PKLR: variants seen among roughly 807,000 people sequenced by gnomAD.
PKLR encodes pyruvate kinase PKLR.
In PKLR, 38 loss-of-function variants were observed where a neutral mutation model predicts 53.6. The observed-to-expected ratio is 0.71, with a 90% CI of 0.55 to 0.93. PKLR has a LOEUF of 0.93. PKLR is among the 40% of genes least tolerant of loss of function. The probability of loss-of-function intolerance (pLI) is 0.00; values close to 1 mark genes in which losing one functional copy is unlikely to be tolerated. For missense variants in PKLR, 702 were observed against 787.3 expected, an observed-to-expected ratio of 0.89 and a Z score of 1.30; for synonymous variants, 328 against 316.2, an observed-to-expected ratio of 1.04 and a Z score of -0.39.
In PKLR at chr1:155,299,031, TTTC is replaced by T. The variant is rs1557963436; in HGVS notation, c.283+1064_283+1066del. 7.0e-4 allele frequency among the ~76,000 whole-genome samples: 44 copies of T among 62,820 alleles called. 1 individual carries two copies. Among genetic ancestry groups the T allele is most frequent in the East Asian group, 6.0e-3 (4 of 670 alleles). The allele number at this position is 62,820 out of a possible 152,430, so 41.2% of individuals were successfully genotyped here. ...CTTTCTTTCTTTCTTTCTTTCTTTCTTTCTCTTTCTTTCTTTCTTTCCTTCCTT... is the reference window on the plus strand; with the variant it reads ...CTTTCTTTCTTTCTTTCTTTCTTTCTTCTTTCTTTCTTTCTTTCCTTCCTT... On this transcript the variant is annotated intron_variant, in intron 2 of 10. Coordinates refer to ENST00000342741, the MANE Select transcript of PKLR (RefSeq NM_000298.6).
chr1:155,293,076 ACT>A lies in PKLR; in HGVS notation c.1436+99_1436+100del. On this transcript the variant is annotated intron_variant, in intron 9 of 10. Transcript: ENST00000342741. The surrounding 1 kb of genome is among the most constrained non-coding windows in gnomAD (Gnocchi z 4.2). ...GCCTCTCCTCTTGTCTCAGGTGGAC[ACT>A]CTTCACCCCTGGTGACCAGACTAAA... is the stretch of plus-strand genomic sequence containing the variant. 8.2e-7 allele frequency: 1 copy of A among 1,216,614 alleles called. No homozygotes were observed. The highest frequency in any genetic ancestry group is 1.2e-6 in the Non-Finnish European group (1 of 819,460). 75.4% of individuals were successfully genotyped at this position (1,216,614 alleles called of 1,614,324 possible).
chr1:155,293,962 G>A lies in PKLR; in HGVS notation c.1116+273C>T, dbSNP rs757590982. On this transcript the variant is annotated intron_variant, in intron 7 of 10. Transcript: ENST00000342741. This position sits in a 1 kb window ranked among gnomAD's most constrained non-coding sequence, Gnocchi z 4.2. ...AGTCTGGCCAACATGGTGAAACCCC[G>A]TCTCTACTGAAAATACAAAAAGTAG... 2.6e-5 allele frequency among the ~76,000 whole-genome samples: 4 copies of A among 152,042 alleles called. No individual in the cohort carries two copies. Among genetic ancestry groups the A allele is most frequent in the Admixed American group, 6.6e-5 (1 of 15,262 alleles).
chr1:155,298,745 G>C (rs958534553), intron 2 of PKLR, among the ~76,000 whole-genome samples: 8 of 151,298 alleles, frequency 5.3e-5, no homozygotes, highest in Non-Finnish European at 1.0e-4. Flanking sequence ...GGGTTCAAGC[G>C]ATTCCCCTGC....
chr1:155,291,811 T>C lies in PKLR; in HGVS notation c.1563A>G (p.Pro521=). 6.2e-7 allele frequency: 1 copy of C among 1,614,120 alleles called. No homozygotes were observed. The highest frequency in any genetic ancestry group is 1.1e-5 in the South Asian group (1 of 91,072). Residue 521 remains proline, a synonymous_variant, in exon 10 of 11, where the codon CCA becomes CCG. Coordinates refer to ENST00000342741, the MANE Select transcript of PKLR (RefSeq NM_000298.6). ...CTACATCATCTGCCCAGATGGCTTC[T>C]GGAGGTTCACGGTAAAGCAAGGGGA... ...GVFPLLYREP[P]EAIWADDVDR... is the part of the protein sequence containing the mutation.
rs747097960 is a variant in PKLR, at chr1:155,294,336, C to T, written c.1015G>A (p.Asp339Asn). The T allele has an allele frequency of 3.1e-6, 5 of 1,614,002 alleles. No individual in the cohort carries two copies. In the South Asian group the frequency reaches 5.5e-5, roughly 18 times the overall value. ...VSDGIMVARG[D>N]LGIEIPAEKV... ...TCTGCTGGGATCTCGATGCCTAGGT[C>T]CCCCCGTGCCACCATGATGCCGTCG... The change falls in exon 7 of 11, where the codon GAC becomes AAC. Residue 339 changes from aspartate (D) to asparagine (N), a missense_variant. Asp to Asn is a conservative substitution (Grantham distance 23). Coordinates refer to ENST00000342741, the MANE Select transcript of PKLR (RefSeq NM_000298.6).
chr1:155,299,006 CTT>C (rs1369341989), intron 2 of PKLR, among the ~76,000 whole-genome samples: 51 of 100,072 alleles, frequency 5.1e-4, no homozygotes, highest in South Asian at 1.6e-3. Flanking sequence ...TTCTTTCTTT[CTT>C]TCTTTCTTTC....
chr1:155,301,949 G>A (rs1648022714), upstream of PKLR, among the ~76,000 whole-genome samples: 1 of 152,110 alleles, frequency 6.6e-6, no homozygotes, highest in Non-Finnish European at 1.5e-5. Context: ...TGATTAGGTT[G>A]TTGCTGGAAA....
At position 155,293,701 on chromosome 1, in the gene PKLR, C is replaced by T. The variant is rs1647366039; in HGVS notation, c.1117-111G>A. The T allele has an allele frequency of 4.5e-6, 5 of 1,102,008 alleles. 1 individual carries two copies. The South Asian group carries it at 6.4e-5, about 14-fold the overall frequency. The allele number at this position is 1,102,008 out of a possible 1,614,324, so 68.3% of individuals were successfully genotyped here. ...CTCAGAGTGTCCCAAAATCCAGGGT[C>T]ACAGTCACAACCCCTGAAAATAGGA... is the stretch of plus-strand genomic sequence containing the variant. On this transcript the variant is annotated intron_variant, in intron 7 of 10. Transcript: ENST00000342741. This position sits in a 1 kb window ranked among gnomAD's most constrained non-coding sequence, Gnocchi z 4.2.
chr1:155,295,553 T>C lies in PKLR; in HGVS notation c.391A>G (p.Ile131Val). The change falls in exon 4 of 11, where the codon ATC becomes GTC. Residue 131 changes from isoleucine (I) to valine (V), a missense_variant. This residue lies in a region of PKLR where 519 missense variants were observed against 537.1 expected (regional missense o/e 0.97). Coordinates refer to ENST00000342741, the MANE Select transcript of PKLR (RefSeq NM_000298.6). This position sits in a 1 kb window ranked among gnomAD's most constrained non-coding sequence, Gnocchi z 4.3. ...HGSHEYHAES[I>V]ANVREAVESF... The stretch of plus-strand genomic sequence containing the variant: ...TCCACCGCCTCCCGGACGTTGGCGA[T>C]GGACTCAGCATGGTACTGGGGGAGG... 1 of 1,613,858 alleles carries C rather than the reference T, an allele frequency of 6.2e-7. No individual in the cohort carries two copies. The highest frequency in any genetic ancestry group is 1.1e-5 in the South Asian group (1 of 91,056).
At chr1:155,292,241 GA>G (rs57484820) in intron 9 of PKLR, among the ~76,000 whole-genome samples, 8 of 138,090 alleles carry the variant, frequency 5.8e-5, no homozygotes, top group Non-Finnish European at 1.1e-4. Flanking sequence ...TCTGCATTAA[GA>G]AAAAAAAAAG....
In PKLR at chr1:155,293,890, T is replaced by C. The variant is rs1572054480; in HGVS notation, c.1117-300A>G. ...GCTCACACCTGTAATCCCAGCACTTTGGGAGGCCGAGGCGAGTAGATCACC... is the reference window on the plus strand; with the variant it reads ...GCTCACACCTGTAATCCCAGCACTTCGGGAGGCCGAGGCGAGTAGATCACC... On this transcript the variant is annotated intron_variant, in intron 7 of 10. Coordinates refer to ENST00000342741, the MANE Select transcript of PKLR (RefSeq NM_000298.6). The surrounding 1 kb of genome is among the most constrained non-coding windows in gnomAD (Gnocchi z 4.2). 6.6e-6 allele frequency among the ~76,000 whole-genome samples: 1 copy of C among 152,180 alleles called. No homozygotes were observed. The highest frequency in any genetic ancestry group is 1.9e-4 in the East Asian group (1 of 5,198).
rs192697407 is a variant in PKLR, at chr1:155,291,775, C to A, written c.1599G>T (p.Val533=). 13 of 1,613,886 alleles carry A rather than the reference C, an allele frequency of 8.1e-6. No individual in the cohort carries two copies. In the Admixed American group the frequency reaches 2.2e-4, roughly 27 times the overall value. Residue 533 remains valine, a synonymous_variant, in exon 10 of 11, where the codon GTG becomes GTT. Coordinates refer to ENST00000342741, the MANE Select transcript of PKLR (RefSeq NM_000298.6). The part of the protein sequence containing the change: ...AIWADDVDRR[V]QFGIESGKLR... ...GCTCACCACTTTCAATGCCAAATTG[C>A]ACCCGGCGATCTACATCATCTGCCC...
Position 155,295,175 on chromosome 1 carries a change from G to C in PKLR, c.635C>G (p.Pro212Arg). The C allele has an allele frequency of 6.2e-7, 1 of 1,614,112 alleles. No homozygotes were observed. Among genetic ancestry groups the C allele is most frequent in the Non-Finnish European group, 8.5e-7 (1 of 1,179,990 alleles). Residue 212 changes from proline to arginine, a missense_variant, in exon 5 of 11, where the codon CCG becomes CGG. Around this residue, in one of 2 missense-constraint regions of PKLR, gnomAD observed 519 missense variants for 537.1 expected, o/e 0.97. Coordinates refer to ENST00000342741, the MANE Select transcript of PKLR (RefSeq NM_000298.6). This position sits in a 1 kb window ranked among gnomAD's most constrained non-coding sequence, Gnocchi z 4.3. The stretch of plus-strand genomic sequence containing the variant: ...GTCAATGTAGATGCGGCCCCCCACC[G>C]GCACGACCCGGACAATATTGGGGTA... ...VDYPNIVRVV[P>R]VGGRIYIDDG... is the part of the protein sequence containing the mutation.
In PKLR at chr1:155,300,149, T is replaced by C; in HGVS notation, c.232A>G (p.Ile78Val). The change falls in exon 2 of 11, where the codon ATT (isoleucine) becomes GTT (valine). Residue 78 changes from isoleucine (I) to valine (V), a missense_variant. Transcript: ENST00000342741. Reference protein sequence around the residue: ...TFLEHLCLLDIDSEPVAARST... With the variant: ...TFLEHLCLLDVDSEPVAARST... ...CGAGCAGCCACGGGCTCGGAGTCAA[T>C]GTCCAGTAGGCAGAGGTGTTCCAGG... 2 of 1,613,976 alleles carry C rather than the reference T, an allele frequency of 1.2e-6. No homozygotes were observed. Among genetic ancestry groups the C allele is most frequent in the Non-Finnish European group, 1.7e-6 (2 of 1,180,012 alleles).
In PKLR at chr1:155,294,600, CG is replaced by C. The variant is rs751449001; in HGVS notation, c.846del (p.Ile282MetfsTer39). ...GCTTTCCGCACAAAGGAGGCAAAGA[CG>C]ATGTCCACCCCATGCTCCACCCCGA... The part of the protein sequence containing the change: ...LRFGVEHGVD[I>X]VFASFVRKAS... On this transcript the variant is annotated frameshift_variant, in exon 6 of 11. Transcript: ENST00000342741. LOFTEE classifies it high-confidence loss of function. 2 of 1,614,238 alleles carry C rather than the reference CG, an allele frequency of 1.2e-6. No homozygotes were observed. The highest frequency in any genetic ancestry group is 1.7e-6 in the Non-Finnish European group (2 of 1,180,044).
In PKLR at chr1:155,295,668, G is replaced by A; in HGVS notation, c.372C>T (p.His124=). ...TGCCCGGCGGCCCGTCCCGCACCTC[G>A]TGGGAGCCGTGGGAGAAGTTGAGTC... The part of the protein sequence containing the change: ...IARLNFSHGS[H]EYHAESIANV... Residue 124 remains histidine, a synonymous_variant, in exon 3 of 11, where the codon CAC becomes CAT. Transcript: ENST00000342741. This position sits in a 1 kb window ranked among gnomAD's most constrained non-coding sequence, Gnocchi z 4.3. 1 of 1,614,058 alleles carries A rather than the reference G, an allele frequency of 6.2e-7. No individual in the cohort carries two copies. The highest frequency in any genetic ancestry group is 8.5e-7 in the Non-Finnish European group (1 of 1,179,960).
rs2148207508 is a variant in PKLR at position 155,295,362 on chromosome 1, G to A, written c.508-60C>T. The A allele has an allele frequency of 6.2e-7, 1 of 1,612,978 alleles. No homozygotes were observed. Among genetic ancestry groups the A allele is most frequent in the Non-Finnish European group, 8.5e-7 (1 of 1,179,350 alleles). ...GCCCCGGAGTCCGGGACCCGCCCCT[G>A]CCCACGCCTGGGCCCAACCCTACAG... On this transcript the variant is annotated intron_variant, in intron 4 of 10. Transcript: ENST00000342741. This position sits in a 1 kb window ranked among gnomAD's most constrained non-coding sequence, Gnocchi z 4.3.
chr1:155,305,091 C>A (rs1327143340), upstream of PKLR, among the ~76,000 whole-genome samples: 1 of 152,174 alleles, frequency 6.6e-6, no homozygotes, highest in Non-Finnish European at 1.5e-5. Context: ...AGGGACCATT[C>A]TCTCCCTATC....
intron 2 of PKLR, among the ~76,000 whole-genome samples, chr1:155,299,034 CT>C (rs754417433): frequency 0.064 from 3,928 of 60,924 alleles, 333 homozygotes; most frequent in East Asian, 0.16. Flanking sequence ...TTCTTTCTTT[CT>C]CTTTCTTTCT....
Sources: allele counts gnomAD v4.1 joint callset (sites outside exome capture counted in the v4.1 genomes callset), GRCh38; gene constraint gnomAD v4.1.1; regional missense constraint gnomAD v4.1.1; non-coding constraint Gnocchi (gnomAD v3.1); transcripts MANE v1.5; gene names NCBI Gene and HGNC (gene_info 2026-07-23, HGNC 2026-07-21).